The following ZSWIM7 variants were observed in gnomAD, a reference collection of about 807,000 sequenced individuals.
ZSWIM7 encodes the protein zinc finger SWIM-type containing 7, also known as zinc finger SWIM domain-containing protein 7.
ZSWIM7 carries 22 observed loss-of-function variants against 21.1 expected under a neutral mutation model. The ratio of observed to expected loss-of-function variants is 1.04; its 90% confidence interval spans 0.74 to 1.49. ZSWIM7 has a LOEUF of 1.49. Among genes scored for constraint, ZSWIM7 ranks in the 40% most tolerant of loss-of-function variants. The probability of loss-of-function intolerance (pLI) is 0.00; values close to 1 mark genes in which losing one functional copy is unlikely to be tolerated. For missense variants in ZSWIM7, 193 were observed against 168.0 expected, an observed-to-expected ratio of 1.15 and a Z score of -0.82; for synonymous variants, 67 against 66.5, an observed-to-expected ratio of 1.01 and a Z score of -0.04.
At chr17:15,978,960 TTA>T (rs1970311764) in intron 4 of ZSWIM7, among the ~76,000 whole-genome samples, 1 of 151,004 alleles carries the variant, frequency 6.6e-6, no homozygotes, top group African/African-American at 2.4e-5. Flanking sequence ...TTTTTTTTTT[TTA>T]ATTTTAATTT....
chr17:15,991,377 A>G (rs1970480161), intron 2 of ZSWIM7, among the ~76,000 whole-genome samples: 1 of 152,240 alleles, frequency 6.6e-6, no homozygotes, highest in South Asian at 2.1e-4. Context: ...CTTCCTGGGT[A>G]TATGTTCTTT....
At chr17:15,998,009 G>A (rs1215280699) in intron 1 of ZSWIM7, among the ~76,000 whole-genome samples, 2 of 152,100 alleles carry the variant, frequency 1.3e-5, no homozygotes, top group Non-Finnish European at 2.9e-5. Flanking sequence ...GCTGAGGCAG[G>A]AGAATCACTT....
chr17:15,997,962 G>A (rs1970580811), intron 1 of ZSWIM7, among the ~76,000 whole-genome samples: 1 of 152,152 alleles, frequency 6.6e-6, no homozygotes, highest in African/African-American at 2.4e-5. Context: ...TTAGCCGGGT[G>A]TGGTGGCATG....
chr17:15,979,280 T>C (rs867799509), intron 4 of ZSWIM7, among the ~76,000 whole-genome samples: 1 of 151,596 alleles, frequency 6.6e-6, no homozygotes, highest in African/African-American at 2.4e-5. Flanking sequence ...ACACAGCACA[T>C]GTTTCAGAGA....
intron 4 of ZSWIM7, among the ~76,000 whole-genome samples, 173 bp downstream of exon 4, chr17:15,980,867 G>T (rs1970346943): frequency 6.6e-6 from 1 of 152,096 alleles, no homozygotes; most frequent in South Asian, 2.1e-4. Flanking sequence ...AAATGACATT[G>T]CATTTTGAGA....
chr17:15,979,185 T>C (rs1026525057), intron 4 of ZSWIM7, among the ~76,000 whole-genome samples: 2 of 151,686 alleles, frequency 1.3e-5, no homozygotes, highest in African/African-American at 2.4e-5. Context: ...GGAGTGGTGA[T>C]GACTCTTAAC....
intron 3 of ZSWIM7, among the ~76,000 whole-genome samples, chr17:15,982,176 A>G (rs1483414047): frequency 6.6e-6 from 1 of 152,070 alleles, no homozygotes; most frequent in Admixed American, 6.6e-5. Context: ...CAAAAAGGAG[A>G]GGTACAGGAG....
intron 4 of ZSWIM7, 117 bp from the exon 5 acceptor site, chr17:15,978,280 C>T (rs1332152987): frequency 2.1e-5 from 16 of 751,450 alleles, no homozygotes; most frequent in Non-Finnish European, 3.3e-5. Context: ...ATACAGATTA[C>T]GGGGTCTCTA....
intron 1 of ZSWIM7, among the ~76,000 whole-genome samples, chr17:15,995,216 C>T (rs1048317013): frequency 6.6e-6 from 1 of 151,274 alleles, no homozygotes; most frequent in Non-Finnish European, 1.5e-5. Flanking sequence ...AGGAAGATTG[C>T]TTGAAACCAG....
intron 2 of ZSWIM7, among the ~76,000 whole-genome samples, chr17:15,987,816 G>A (rs1970434002): frequency 6.6e-6 from 1 of 152,010 alleles, no homozygotes; most frequent in African/African-American, 2.4e-5. Context: ...CTCCATGTTG[G>A]TCAGGCTGCT....
At chr17:15,988,657 AAAG>A (rs200149734) in intron 2 of ZSWIM7, among the ~76,000 whole-genome samples, 7,264 of 151,460 alleles carry the variant, frequency 0.048, 401 homozygotes, top group African/African-American at 0.14. Flanking sequence ...TCTAAAGAAA[AAAG>A]AAAAAAAAAA....
chr17:15,995,888 A>G (rs911073063), intron 1 of ZSWIM7, among the ~76,000 whole-genome samples: 22 of 152,178 alleles, frequency 1.4e-4, no homozygotes, highest in African/African-American at 4.8e-4. Context: ...CTTTATCAGA[A>G]GATTCAGAAC....
chr17:15,995,575 T>TAAA (rs550832963), intron 1 of ZSWIM7, among the ~76,000 whole-genome samples: 37 of 100,226 alleles, frequency 3.7e-4, no homozygotes, highest in African/African-American at 1.4e-3. Flanking sequence ...CCCTGTCTCT[T>TAAA]AAAAAAAAAA....
At chr17:15,995,757 G>A (rs958615781) in intron 1 of ZSWIM7, among the ~76,000 whole-genome samples, 1 of 151,648 alleles carries the variant, frequency 6.6e-6, no homozygotes, top group African/African-American at 2.4e-5. Flanking sequence ...AAAGAACAGA[G>A]AAAACAGATG....
chr17:15,981,882 C>A (rs921075232), intron 3 of ZSWIM7, among the ~76,000 whole-genome samples: 1 of 152,206 alleles, frequency 6.6e-6, no homozygotes, highest in African/African-American at 2.4e-5. Flanking sequence ...CACCACTGCA[C>A]TGCAGCCTGG....
At chr17:15,985,085 C>T (rs1311114882) in intron 3 of ZSWIM7, among the ~76,000 whole-genome samples, 1 of 152,138 alleles carries the variant, frequency 6.6e-6, no homozygotes, top group Non-Finnish European at 1.5e-5. Context: ...TGGTGGATCA[C>T]CTGAGGTCAG....
intron 1 of ZSWIM7, 180 bp downstream of exon 1, chr17:15,999,339 C>T (rs1289171624): frequency 1.5e-5 from 12 of 807,302 alleles, no homozygotes; most frequent in Admixed American, 2.3e-5. Context: ...TTTACTTGTT[C>T]CAATTTCGCT....
At chr17:15,991,761 T>TAG (rs1274174682) in intron 2 of ZSWIM7, among the ~76,000 whole-genome samples, 3 of 152,134 alleles carry the variant, frequency 2.0e-5, no homozygotes, top group African/African-American at 7.2e-5. Context: ...AAAACACTGG[T>TAG]AGAGCTTGGT....
chr17:15,999,494 G>C (rs1352769881), intron 1 of ZSWIM7, 25 bp downstream of exon 1: 1 of 1,595,236 alleles, frequency 6.3e-7, no homozygotes, highest in African/African-American at 1.3e-5. Context: ...CCATGGCGCA[G>C]CCACACACGA....
Sources: allele counts gnomAD v4.1 joint callset (sites outside exome capture counted in the v4.1 genomes callset), GRCh38; gene constraint gnomAD v4.1.1; transcripts MANE v1.5; gene names NCBI Gene and HGNC (gene_info 2026-07-23, HGNC 2026-07-21).